The following CNTLN variants were observed in gnomAD, a reference collection of about 807,000 sequenced individuals.
The protein encoded by CNTLN is centlein, centrosomal protein.
Under a neutral mutation model 180.0 loss-of-function variants are expected in CNTLN, and 212 were observed. That is an observed-to-expected ratio of 1.18 (90% CI 1.05 to 1.32). CNTLN has a LOEUF of 1.32. Among genes scored for constraint, CNTLN ranks in the 40% most tolerant of loss-of-function variants. CNTLN has a pLI of 0.00. For synonymous variants in CNTLN, 722 were observed against 563.1 expected, an observed-to-expected ratio of 1.28 and a Z score of -3.99; for missense variants, 2,095 against 1,610.9, an observed-to-expected ratio of 1.30 and a Z score of -5.14.
Position 17,309,083 on chromosome 9 carries a change from T to G in CNTLN, c.1172T>G (p.Phe391Cys). ...CTTTACAATGAGTTACATATTTGTTTTGAAACCACAAAATCAAATGAAGCT... is the reference window on the plus strand; with the variant it reads ...CTTTACAATGAGTTACATATTTGTTGTGAAACCACAAAATCAAATGAAGCT... ...QKLYNELHIC[F>C]ETTKSNEAML... Residue 391 changes from phenylalanine (F) to cysteine (C), a missense_variant, in exon 8 of 26, where the codon TTT becomes TGT. Coordinates refer to ENST00000380647, the MANE Select transcript of CNTLN (RefSeq NM_017738.4). 6.3e-7 allele frequency: 1 copy of G among 1,591,356 alleles called. No individual in the cohort carries two copies. Among genetic ancestry groups the G allele is most frequent in the South Asian group, 1.1e-5 (1 of 87,088 alleles).
the CNTLN span, among the ~76,000 whole-genome samples, chr9:17,523,090 C>T: frequency 2.6e-5 from 4 of 152,114 alleles, no homozygotes; most frequent in Non-Finnish European, 5.9e-5. Context: ...TGAGAGGCCC[C>T]CAGTTTCATC....
At chr9:17,375,140 C>A (rs1221071545) in intron 13 of CNTLN, among the ~76,000 whole-genome samples, 1 of 152,034 alleles carries the variant, frequency 6.6e-6, no homozygotes, top group Non-Finnish European at 1.5e-5. Context: ...AATTGGAGGT[C>A]ATTGTGTTAA....
chr9:17,441,510 A>G lies in CNTLN; in HGVS notation c.3115-16014A>G, dbSNP rs541616463. Among the ~76,000 whole-genome samples, 4 of 152,130 alleles carry G rather than the reference A, an allele frequency of 2.6e-5. No homozygotes were observed. The East Asian group carries it at 7.7e-4, about 29-fold the overall frequency. On this transcript the variant is annotated intron_variant, in intron 18 of 25. Coordinates refer to ENST00000380647, the MANE Select transcript of CNTLN (RefSeq NM_017738.4). ...AAGATTGTTATAAACAATATATTTT[A>G]TGTAAGCTCCATGGTGATCACGAAG...
intron 12 of CNTLN, among the ~76,000 whole-genome samples, chr9:17,355,208 A>G (rs1822736314): frequency 6.6e-6 from 1 of 152,146 alleles, no homozygotes; most frequent in African/African-American, 2.4e-5. Context: ...TTTAGTAGGG[A>G]CGGGGTTTCG....
chr9:17,499,057 C>T (rs1424700488), intron 25 of CNTLN, among the ~76,000 whole-genome samples: 1 of 152,270 alleles, frequency 6.6e-6, no homozygotes, highest in Middle Eastern at 3.4e-3. Context: ...GTTTGGCTCT[C>T]TTGTTCTTAG....
At chr9:17,469,606 T>A (rs1226039127) in intron 23 of CNTLN, among the ~76,000 whole-genome samples, 1 of 151,894 alleles carries the variant, frequency 6.6e-6, no homozygotes, top group Non-Finnish European at 1.5e-5. Context: ...TGCTTCCTCC[T>A]TTTTAAATAC....
At chr9:17,296,187 G>C (rs906628535) in intron 6 of CNTLN, among the ~76,000 whole-genome samples, 2 of 151,948 alleles carry the variant, frequency 1.3e-5, no homozygotes, top group Non-Finnish European at 2.9e-5. Context: ...AATTTTTGTA[G>C]AGACGGGGTT....
At chr9:17,203,747 C>T (rs1056949109) in intron 2 of CNTLN, among the ~76,000 whole-genome samples, 7 of 152,056 alleles carry the variant, frequency 4.6e-5, no homozygotes, top group Admixed American at 1.3e-4. Flanking sequence ...TTAGTAGAGA[C>T]GGGGTTTCAC....
chr9:17,426,277 C>T (rs1829077967), intron 18 of CNTLN, among the ~76,000 whole-genome samples: 1 of 152,164 alleles, frequency 6.6e-6, no homozygotes, highest in Non-Finnish European at 1.5e-5. Context: ...GCCATGTTGC[C>T]ACTCCCATCA....
rs778248636 is a variant in CNTLN at position 17,466,030 on chromosome 9, C to T, written c.3581C>T (p.Ser1194Leu). Reference sequence around the variant, plus strand: ...TCCAACAAGAAGGTATCAATTGATTCACTAAAGCAAAGACTTAACGTTGCT... The same window carrying T: ...TCCAACAAGAAGGTATCAATTGATTTACTAAAGCAAAGACTTAACGTTGCT... ...ECSNKKVSIDSLKQRLNVAVK... is the reference protein window; with the variant it reads ...ECSNKKVSIDLLKQRLNVAVK... The change falls in exon 22 of 26, where the codon TCA becomes TTA. Residue 1194 changes from serine (S) to leucine (L), a missense_variant. Physicochemically the swap from Ser to Leu is moderately radical, Grantham distance 145. Transcript: ENST00000380647. 10 of 1,604,288 alleles carry T rather than the reference C, an allele frequency of 6.2e-6. No individual in the cohort carries two copies. The highest frequency in any genetic ancestry group is 2.2e-5 in the East Asian group (1 of 44,534).
At chr9:17,268,155 A>G (rs1460460872) in intron 5 of CNTLN, among the ~76,000 whole-genome samples, 1 of 151,702 alleles carries the variant, frequency 6.6e-6, no homozygotes, top group Non-Finnish European at 1.5e-5. Context: ...TTTTTTCCCC[A>G]TCTTTGTGGT....
At chr9:17,169,071 C>A (rs879678072) in intron 2 of CNTLN, among the ~76,000 whole-genome samples, 1 of 152,118 alleles carries the variant, frequency 6.6e-6, no homozygotes, top group Non-Finnish European at 1.5e-5. Context: ...GATCATAGCT[C>A]ACTGCAGCCT....
intron 1 of CNTLN, among the ~76,000 whole-genome samples, chr9:17,137,257 T>C (rs1817783628): frequency 6.6e-6 from 1 of 152,220 alleles, no homozygotes; most frequent in Admixed American, 6.5e-5. Flanking sequence ...CTTATATAAT[T>C]GTAGGCAGTA....
At chr9:17,180,680 T>G in intron 2 of CNTLN, among the ~76,000 whole-genome samples, 1 of 152,134 alleles carries the variant, frequency 6.6e-6, no homozygotes, top group Non-Finnish European at 1.5e-5. Flanking sequence ...TAAAATTTCT[T>G]TTCTATTTAG....
chr9:17,244,487 G>A (rs1364661157), intron 5 of CNTLN, among the ~76,000 whole-genome samples: 2 of 152,068 alleles, frequency 1.3e-5, no homozygotes, highest in African/African-American at 4.8e-5. Flanking sequence ...CAAAGTGCTG[G>A]GGTTATAGGT....
Position 17,245,639 on chromosome 9 carries a change from G to C in CNTLN, c.849+9051G>C, listed in dbSNP as rs1022791465. On this transcript the variant is annotated intron_variant, in intron 5 of 25. Transcript: ENST00000380647. ...TCCCTTTGAATATATTTTCTAGCCT[G>C]ACCTCTCTCTACCTCTCTTTAAGGC... Among the ~76,000 whole-genome samples the C allele has an allele frequency of 3.3e-5, 5 of 152,058 alleles. No individual in the cohort carries two copies. The East Asian group carries it at 7.7e-4, about 24-fold the overall frequency.
At chr9:17,148,915 A>G (rs1285536226) in intron 2 of CNTLN, among the ~76,000 whole-genome samples, 2 of 152,108 alleles carry the variant, frequency 1.3e-5, no homozygotes, top group Non-Finnish European at 2.9e-5. Context: ...GGTTTGCTGC[A>G]CCCATCAACC....
intron 8 of CNTLN, among the ~76,000 whole-genome samples, chr9:17,323,689 T>G (rs1361795532): frequency 6.6e-6 from 1 of 152,176 alleles, no homozygotes; most frequent in Non-Finnish European, 1.5e-5. Context: ...TATAAATAAT[T>G]GTAACAGATG....
At chr9:17,327,949 G>A (rs12342180) in intron 8 of CNTLN, among the ~76,000 whole-genome samples, 82,782 of 151,480 alleles carry the variant, frequency 0.55, 23,333 homozygotes, top group East Asian at 0.73. Flanking sequence ...GTGAAACTCC[G>A]TCTCAAAAAA....
Sources: allele counts gnomAD v4.1 joint callset (sites outside exome capture counted in the v4.1 genomes callset), GRCh38; gene constraint gnomAD v4.1.1; transcripts MANE v1.5; gene names NCBI Gene and HGNC (gene_info 2026-07-23, HGNC 2026-07-21).